Variants in ENOX2 observed in about 807,000 individuals in gnomAD.
ENOX2 encodes the protein ecto-NOX disulfide-thiol exchanger 2.
ENOX2 carries 36 observed loss-of-function variants against 45.0 expected under a neutral mutation model. That is an observed-to-expected ratio of 0.80 (90% CI 0.61 to 1.06). The LOEUF (loss-of-function observed/expected upper bound fraction) is 1.06, where lower values mean the gene tolerates loss of function less well. Among genes scored for constraint, ENOX2 ranks in the 50% least tolerant of loss-of-function variants. ENOX2 has a pLI of 0.00. For synonymous variants in ENOX2, 174 were observed against 152.3 expected (o/e 1.14, Z -1.05); for missense variants, 423 against 462.5 (o/e 0.91, Z 0.78).
chrX:130,762,507 A>T (rs2039517098), intron 3 of ENOX2, among the ~76,000 whole-genome samples: 2 of 112,071 alleles, frequency 1.8e-5, no homozygotes, highest in Admixed American at 1.9e-4. Context: ...CCCTGAGCCC[A>T]GGAGGTCGAG....
chrX:130,693,460 C>T (rs10482408), intron 4 of ENOX2, among the ~76,000 whole-genome samples: 231 of 111,915 alleles, frequency 2.1e-3, no homozygotes, highest in African/African-American at 6.9e-3. Context: ...GGTTTAGTTA[C>T]GTGCTCAAGT....
chrX:130,821,741 T>TAAAA (rs1569505783), intron 2 of ENOX2, among the ~76,000 whole-genome samples: 2 of 24,205 alleles, frequency 8.3e-5, no homozygotes, highest in East Asian at 9.5e-4. Flanking sequence ...AATAAATAAA[T>TAAAA]TAAAAAAAAA....
chrX:130,663,355 A>AGACTCCGTCTCCAAAAAAAAAGTATTGTG, intron 9 of ENOX2, among the ~76,000 whole-genome samples: 1 of 110,430 alleles, frequency 9.1e-6, no homozygotes, highest in South Asian at 4.0e-4. Context: ...ACATGGTGAA[A>AGACTCCGTCTCCAAAAAAAAAGTATTGTG]ACCCATCTCT....
At chrX:130,710,914 G>A (rs2038173232) in intron 3 of ENOX2, among the ~76,000 whole-genome samples, 1 of 112,144 alleles carries the variant, frequency 8.9e-6, no homozygotes, top group Admixed American at 9.5e-5. Context: ...TTTGAGAATA[G>A]TCCTGGAAAT....
chrX:130,782,772 A>T, intron 3 of ENOX2, among the ~76,000 whole-genome samples: 1 of 111,713 alleles, frequency 9.0e-6, no homozygotes, highest in African/African-American at 3.3e-5. Context: ...TGCAACAAAG[A>T]CATAAAATTG....
chrX:130,834,228 ACT>A (rs1455408259), intron 2 of ENOX2, among the ~76,000 whole-genome samples: 2 of 110,311 alleles, frequency 1.8e-5, no homozygotes, highest in African/African-American at 6.6e-5. Flanking sequence ...CTTTCAACTG[ACT>A]CTGCCTCCTC....
chrX:130,848,398 TAA>T (rs897692974), intron 2 of ENOX2, among the ~76,000 whole-genome samples: 17 of 112,254 alleles, frequency 1.5e-4, no homozygotes, highest in African/African-American at 5.2e-4. Flanking sequence ...CATGAACTTT[TAA>T]AAAGTGGAGG....
At chrX:130,852,695 A>G (rs1337739355) in intron 2 of ENOX2, among the ~76,000 whole-genome samples, 2 of 111,279 alleles carry the variant, frequency 1.8e-5, no homozygotes, top group Non-Finnish European at 3.8e-5. Flanking sequence ...GACATTTGAA[A>G]AATACCATCA....
At chrX:130,874,611 A>G (rs1472198364) in intron 2 of ENOX2, among the ~76,000 whole-genome samples, 1 of 112,310 alleles carries the variant, frequency 8.9e-6, no homozygotes, top group African/African-American at 3.2e-5. Context: ...CAAAATCTCA[A>G]TAAGCTCATC....
intron 2 of ENOX2, among the ~76,000 whole-genome samples, chrX:130,883,072 C>A (rs1317713118): frequency 8.9e-6 from 1 of 112,143 alleles, no homozygotes; most frequent in African/African-American, 3.2e-5. Flanking sequence ...TGGCACAGAG[C>A]AAGCTTTCAA....
At chrX:130,810,863 C>A (rs1231709073) in intron 2 of ENOX2, among the ~76,000 whole-genome samples, 1 of 112,216 alleles carries the variant, frequency 8.9e-6, no homozygotes, top group Admixed American at 9.3e-5. Context: ...ACGTTGCAAA[C>A]CATCTCCACT....
In ENOX2 at chrX:130,664,147, C is replaced by A. The variant is rs146210113; in HGVS notation, c.1014+1496G>T. 6.5e-3 allele frequency among the ~76,000 whole-genome samples: 725 copies of A among 112,361 alleles called. 9 individuals carry two copies. Among genetic ancestry groups the A allele is most frequent in the African/African-American group, 0.022 (687 of 30,913 alleles). On this transcript the variant is annotated intron_variant, in intron 9 of 14. Coordinates refer to ENST00000394363, the MANE Select transcript of ENOX2 (RefSeq NM_006375.4). ...TCAGGGATTTCTTTCTAGTGACTCC[C>A]AGATCCCTTTGCCGTGCCAGAATTG...
At chrX:130,712,473 A>G (rs1569491549) in intron 3 of ENOX2, among the ~76,000 whole-genome samples, 1 of 111,909 alleles carries the variant, frequency 8.9e-6, no homozygotes, top group African/African-American at 3.2e-5. Context: ...AGGCATGTGC[A>G]TTAAGAGACA....
At chrX:130,759,663 C>G (rs1417710027) in intron 3 of ENOX2, among the ~76,000 whole-genome samples, 1 of 103,866 alleles carries the variant, frequency 9.6e-6, no homozygotes, top group Non-Finnish European at 1.9e-5. Context: ...TTCCATTGAT[C>G]TGTATCTGTC....
chrX:130,646,156 A>T lies in ENOX2; in HGVS notation c.1130-8746T>A, dbSNP rs2036228972. 12 of 508,307 alleles carry T rather than the reference A, an allele frequency of 2.4e-5. No homozygotes were observed. In the South Asian group the frequency reaches 3.1e-4, roughly 13 times the overall value. The allele number at this position is 508,307 out of a possible 1,213,427, so 41.9% of individuals were successfully genotyped here. A position where few individuals can be genotyped will look rare whatever the true frequency, so the allele number is the denominator to read the frequency against. ...GCAACTTCTCCTGGAGCACTTCCTC[A>T]ATCAAGCAGCTGTGGCATTCCAGAA... is the stretch of plus-strand genomic sequence containing the variant. On this transcript the variant is annotated intron_variant, in intron 10 of 14. Coordinates refer to ENST00000394363, the MANE Select transcript of ENOX2 (RefSeq NM_006375.4).
At chrX:130,656,791 G>C in intron 9 of ENOX2, 96 bp from the exon 10 acceptor site, 1 of 507,555 alleles carries the variant, frequency 2.0e-6, no homozygotes, top group South Asian at 3.0e-5. Context: ...ATTTTTTTTT[G>C]ACATATTAGG....
At position 130,902,872 on chromosome X, in the gene ENOX2, C is replaced by A. The variant is rs891804556; in HGVS notation, c.-231+177G>T. ...GCGCTCCCGGGCTCAAGAGAACTGG[C>A]GCCTAGAGCTCAAAAGCCCACCCCC... On this transcript the variant is annotated intron_variant, in intron 1 of 14. Coordinates refer to ENST00000394363, the MANE Select transcript of ENOX2 (RefSeq NM_006375.4). Among the ~76,000 whole-genome samples, 16 of 106,615 alleles carry A rather than the reference C, an allele frequency of 1.5e-4. No individual in the cohort carries two copies. In the Admixed American group the frequency reaches 1.6e-3, roughly 11 times the overall value. The allele number at this position is 106,615 out of a possible 115,157, so 92.6% of individuals were successfully genotyped here. A position where few individuals can be genotyped will look rare whatever the true frequency, so the allele number is the denominator to read the frequency against.
At chrX:130,774,544 G>A (rs918007899) in intron 3 of ENOX2, among the ~76,000 whole-genome samples, 1 of 112,176 alleles carries the variant, frequency 8.9e-6, no homozygotes, top group African/African-American at 3.2e-5. Context: ...CAGGCACACA[G>A]TAGGTGTTCC....
chrX:130,874,333 C>T (rs753256621), intron 2 of ENOX2, among the ~76,000 whole-genome samples: 8 of 112,023 alleles, frequency 7.1e-5, no homozygotes, highest in Non-Finnish European at 1.1e-4. Flanking sequence ...AAAGGTTCTG[C>T]GGATCAATTG....
Sources: allele counts gnomAD v4.1 joint callset (sites outside exome capture counted in the v4.1 genomes callset), GRCh38; gene constraint gnomAD v4.1.1; transcripts MANE v1.5; gene names NCBI Gene and HGNC (gene_info 2026-07-23, HGNC 2026-07-21).